The following LUZP2 variants were observed in gnomAD, a reference collection of about 807,000 sequenced individuals.
The protein encoded by LUZP2 is leucine zipper protein 2.
LUZP2 carries 52 observed loss-of-function variants against 51.6 expected under a neutral mutation model. The observed-to-expected ratio is 1.01, with a 90% CI of 0.81 to 1.27. The LOEUF (loss-of-function observed/expected upper bound fraction) is 1.27. Among genes scored for constraint, LUZP2 ranks in the 50% most tolerant of loss-of-function variants. LUZP2 has a pLI of 0.00. For synonymous variants in LUZP2, 154 were observed against 137.3 expected (o/e 1.12, Z -0.85); for missense variants, 436 against 395.4 (o/e 1.10, Z -0.87).
chr11:24,703,853 AAAAAAAACGAAC>A (rs1857490618), intron 1 of LUZP2, among the ~76,000 whole-genome samples: 1 of 54,020 alleles, frequency 1.9e-5, no homozygotes, highest in Non-Finnish European at 3.5e-5. Flanking sequence ...ACAAACAAAC[AAAAAAAACGAAC>A]AAAAAAAAAC....
intron 1 of LUZP2, among the ~76,000 whole-genome samples, chr11:24,648,431 C>T (rs901719264): frequency 3.9e-5 from 6 of 151,900 alleles, no homozygotes; most frequent in Admixed American, 2.0e-4. Flanking sequence ...TTCAGCTGCT[C>T]GGGTATGTCT....
At chr11:24,970,554 G>A (rs1855712498) in intron 7 of LUZP2, among the ~76,000 whole-genome samples, 1 of 152,124 alleles carries the variant, frequency 6.6e-6, no homozygotes, top group Non-Finnish European at 1.5e-5. Context: ...TCTAACGTAT[G>A]ACTGATGAGT....
intron 1 of LUZP2, among the ~76,000 whole-genome samples, chr11:24,635,797 T>A (rs1466004057): frequency 6.6e-6 from 1 of 152,108 alleles, no homozygotes; most frequent in Non-Finnish European, 1.5e-5. Context: ...CAGCGTTGAC[T>A]AAAAGTGGAT....
chr11:25,070,772 T>G (rs898962785), intron 10 of LUZP2, among the ~76,000 whole-genome samples: 1 of 35,846 alleles, frequency 2.8e-5, no homozygotes, highest in South Asian at 8.4e-4. Context: ...CTGTGTATGG[T>G]GTGTGTGTGT....
intron 9 of LUZP2, among the ~76,000 whole-genome samples, chr11:24,987,822 A>C (rs1856231279): frequency 6.6e-6 from 1 of 152,020 alleles, no homozygotes; most frequent in East Asian, 1.9e-4. Flanking sequence ...AAGAAACCTC[A>C]AAACAGTGCA....
chr11:24,533,978 G>T (rs540811560), intron 1 of LUZP2, among the ~76,000 whole-genome samples: 2 of 151,062 alleles, frequency 1.3e-5, no homozygotes, highest in African/African-American at 4.8e-5. Context: ...CACTCCTTAG[G>T]CTCCTTTAAA....
intron 5 of LUZP2, among the ~76,000 whole-genome samples, chr11:24,848,083 A>C (rs1166746641): frequency 6.6e-6 from 1 of 152,082 alleles, no homozygotes; most frequent in African/African-American, 2.4e-5. Flanking sequence ...CAGAGTGCTC[A>C]TTGCTACTGG....
chr11:24,680,020 A>G (rs1041122838), intron 1 of LUZP2, among the ~76,000 whole-genome samples: 2 of 152,182 alleles, frequency 1.3e-5, no homozygotes, highest in Admixed American at 1.3e-4. Context: ...TAACATCCCC[A>G]TTCTTTGTAG....
chr11:25,053,772 T>G (rs542277018), intron 10 of LUZP2, among the ~76,000 whole-genome samples: 2 of 152,164 alleles, frequency 1.3e-5, no homozygotes, highest in Non-Finnish European at 2.9e-5. Context: ...ATAAACCACT[T>G]TGTATGGCAA....
chr11:24,506,194 T>C (rs1487931529), intron 1 of LUZP2, among the ~76,000 whole-genome samples: 1 of 152,056 alleles, frequency 6.6e-6, no homozygotes, highest in African/African-American at 2.4e-5. Context: ...ACTTGAGCTA[T>C]TGGAATGTAG....
chr11:24,549,366 C>T (rs1384744212), intron 1 of LUZP2, among the ~76,000 whole-genome samples: 1 of 152,064 alleles, frequency 6.6e-6, no homozygotes, highest in African/African-American at 2.4e-5. Flanking sequence ...GCTGTCCTCT[C>T]CTACGATAAC....
intron 5 of LUZP2, among the ~76,000 whole-genome samples, chr11:24,863,958 T>G (rs1203252730): frequency 2.0e-5 from 3 of 152,148 alleles, no homozygotes; most frequent in Non-Finnish European, 4.4e-5. Context: ...ACAGGATTAT[T>G]TTCTGAATTT....
At chr11:24,509,871 C>T (rs1850254753) in intron 1 of LUZP2, among the ~76,000 whole-genome samples, 1 of 152,096 alleles carries the variant, frequency 6.6e-6, no homozygotes, top group African/African-American at 2.4e-5. Context: ...ATAATGTATA[C>T]ATTTCCCCTA....
chr11:24,682,610 GTATGTGTATATA>G (rs1310366517), intron 1 of LUZP2, among the ~76,000 whole-genome samples: 1 of 99,758 alleles, frequency 1.0e-5, no homozygotes, highest in Non-Finnish European at 2.1e-5. Flanking sequence ...ATATATATGT[GTATGTGTATATA>G]TATATATACA....
At chr11:24,682,940 G>A (rs1317536927) in intron 1 of LUZP2, among the ~76,000 whole-genome samples, 2 of 152,110 alleles carry the variant, frequency 1.3e-5, no homozygotes, top group Non-Finnish European at 2.9e-5. Flanking sequence ...GGAGGCAGAG[G>A]TTGCAGTGAG....
At chr11:24,918,055 C>G (rs1367305418) in intron 7 of LUZP2, among the ~76,000 whole-genome samples, 1 of 151,920 alleles carries the variant, frequency 6.6e-6, no homozygotes, top group East Asian at 1.9e-4. Flanking sequence ...CTTCACATCC[C>G]TTGTAAGTTG....
At chr11:24,710,764 T>C (rs1309342875) in intron 1 of LUZP2, among the ~76,000 whole-genome samples, 1 of 152,142 alleles carries the variant, frequency 6.6e-6, no homozygotes, top group East Asian at 1.9e-4. Context: ...TATCACATTT[T>C]TTTTGCAATT....
intron 1 of LUZP2, among the ~76,000 whole-genome samples, chr11:24,635,327 A>G (rs1276982698): frequency 2.0e-5 from 3 of 152,276 alleles, no homozygotes; most frequent in African/African-American, 7.2e-5. Flanking sequence ...TTATCTTGAC[A>G]TTAAAATGAT....
At chr11:24,659,190 A>G (rs1276196448) in intron 1 of LUZP2, among the ~76,000 whole-genome samples, 3 of 152,160 alleles carry the variant, frequency 2.0e-5, no homozygotes, top group African/African-American at 4.8e-5. Context: ...ATCAATGATA[A>G]ACTGGATTAA....
Sources: gnomAD v4.1 joint callset for allele counts (sites outside exome capture counted in the v4.1 genomes callset) on GRCh38, gnomAD v4.1.1 for gene constraint, MANE v1.5 for transcripts, NCBI Gene and HGNC (gene_info 2026-07-23, HGNC 2026-07-21) for gene names.